The following VMP1 variants were observed in gnomAD, a reference collection of about 807,000 sequenced individuals.
The protein encoded by VMP1 is ectopic P-granules autophagy protein 3 homolog.
In VMP1, 11 loss-of-function variants were observed where a neutral mutation model predicts 56.0. That is an observed-to-expected ratio of 0.20 (90% CI 0.12 to 0.32). The LOEUF is 0.32. Among genes scored for constraint, VMP1 ranks in the 10% least tolerant of loss-of-function variants. VMP1 has a pLI of 1.00. For synonymous variants in VMP1, 149 were observed against 165.0 expected, an observed-to-expected ratio of 0.90 and a Z score of 0.74; for missense variants, 296 against 490.3, an observed-to-expected ratio of 0.60 and a Z score of 3.74.
At chr17:59,811,154 A>G (rs552707719) in intron 8 of VMP1, among the ~76,000 whole-genome samples, 2 of 152,348 alleles carry the variant, frequency 1.3e-5, no homozygotes, top group South Asian at 4.1e-4. Context: ...CCACCCATAA[A>G]TGTATTTGAG....
At chr17:59,756,120 G>C (rs929054920) in intron 5 of VMP1, among the ~76,000 whole-genome samples, 1 of 152,266 alleles carries the variant, frequency 6.6e-6, no homozygotes, top group East Asian at 1.9e-4. Flanking sequence ...ACTTGTCAGT[G>C]CCCATTGGGA....
chr17:59,838,612 TAGAGC>T (rs2039060199), intron 11 of VMP1: 1 of 545,844 alleles, frequency 1.8e-6, no homozygotes, highest in African/African-American at 1.9e-5. Context: ...AAAACAAGGG[TAGAGC>T]CAATGGAAAG....
At chr17:59,783,993 G>T (rs2036916414) in intron 7 of VMP1, among the ~76,000 whole-genome samples, 1 of 151,908 alleles carries the variant, frequency 6.6e-6, no homozygotes, top group South Asian at 2.1e-4. Context: ...TCATTACTTG[G>T]CCCCAACCTA....
intron 7 of VMP1, chr17:59,784,706 TCA>T (rs2036947755): frequency 6.6e-6 from 1 of 152,174 alleles, no homozygotes; most frequent in Admixed American, 6.5e-5. Flanking sequence ...CCATTAATAT[TCA>T]GTCTTATTTT....
intron 5 of VMP1, among the ~76,000 whole-genome samples, chr17:59,755,020 T>C (rs1165437536): frequency 7.8e-6 from 1 of 128,848 alleles, no homozygotes; most frequent in Non-Finnish European, 1.6e-5. Flanking sequence ...AATATGTAGT[T>C]CATTTCTCTT....
chr17:59,710,657 T>G (rs954401440), intron 1 of VMP1, among the ~76,000 whole-genome samples: 1 of 152,236 alleles, frequency 6.6e-6, no homozygotes, highest in Non-Finnish European at 1.5e-5. Context: ...GTTATATTCT[T>G]CAGAATAGTT....
At chr17:59,718,443 G>A (rs1027900820) in intron 1 of VMP1, among the ~76,000 whole-genome samples, 2 of 151,590 alleles carry the variant, frequency 1.3e-5, no homozygotes, top group African/African-American at 4.9e-5. Flanking sequence ...TGATCTGCCC[G>A]CCTCGGCCTC....
intron 7 of VMP1, among the ~76,000 whole-genome samples, chr17:59,802,993 G>A (rs1383633907): frequency 2.6e-5 from 4 of 152,136 alleles, no homozygotes; most frequent in East Asian, 3.8e-4. Context: ...TGATCCACCC[G>A]CCTTGGCCTC....
intron 9 of VMP1, among the ~76,000 whole-genome samples, chr17:59,817,156 C>T (rs1274800624): frequency 6.7e-6 from 1 of 148,874 alleles, no homozygotes; most frequent in East Asian, 2.0e-4. Flanking sequence ...CCCTGTAATC[C>T]CAGGTACTTT....
intron 7 of VMP1, among the ~76,000 whole-genome samples, chr17:59,789,241 A>G (rs1208336846): frequency 2.7e-5 from 4 of 148,828 alleles, no homozygotes; most frequent in African/African-American, 7.4e-5. Flanking sequence ...AGTGAGAGAA[A>G]AAAAAAAAAG....
intron 5 of VMP1, among the ~76,000 whole-genome samples, chr17:59,757,859 C>CTTT (rs66605258): frequency 0.041 from 3,778 of 91,194 alleles, 361 homozygotes; most frequent in African/African-American, 0.12. Flanking sequence ...TTATTTGCCA[C>CTTT]TTTTTTTTTT....
chr17:59,750,474 G>A lies in VMP1; in HGVS notation c.414+11527G>A, dbSNP rs569604042. ...CCACCACCACACCCGGCTAATTTTT[G>A]TATTTTTAGTAGAAATGGGGTTTCA... is the stretch of plus-strand genomic sequence containing the variant. On this transcript the variant is annotated intron_variant, in intron 5 of 11. Coordinates refer to ENST00000262291, the MANE Select transcript of VMP1 (RefSeq NM_030938.5). Among the ~76,000 whole-genome samples, 8 of 151,960 alleles carry A rather than the reference G, an allele frequency of 5.3e-5. No homozygotes were observed. The South Asian group carries it at 1.7e-3, about 32-fold the overall frequency.
chr17:59,765,214 A>C, intron 6 of VMP1, 76 bp downstream of exon 6: 1 of 1,452,300 alleles, frequency 6.9e-7, no homozygotes, highest in Non-Finnish European at 9.3e-7. Flanking sequence ...TTGAAATGGA[A>C]TCTAAACATA....
intron 5 of VMP1, among the ~76,000 whole-genome samples, chr17:59,747,084 G>C (rs2035449458): frequency 6.6e-6 from 1 of 152,154 alleles, no homozygotes; most frequent in Non-Finnish European, 1.5e-5. Context: ...TTCTAGTCTG[G>C]ATAAATATAT....
At chr17:59,739,775 A>G (rs1208907534) in intron 5 of VMP1, among the ~76,000 whole-genome samples, 1 of 141,530 alleles carries the variant, frequency 7.1e-6, no homozygotes, top group Non-Finnish European at 1.5e-5. Context: ...TTCTTTTACT[A>G]GTGGAAATAA....
intron 10 of VMP1, among the ~76,000 whole-genome samples, chr17:59,834,761 A>G (rs1176144797): frequency 6.6e-6 from 1 of 151,842 alleles, no homozygotes; most frequent in Non-Finnish European, 1.5e-5. Flanking sequence ...AGTAGCTGGG[A>G]TTGCAGGCAC....
chr17:59,765,956 A>G (rs1361016777), intron 6 of VMP1, among the ~76,000 whole-genome samples: 1 of 151,870 alleles, frequency 6.6e-6, no homozygotes, highest in Admixed American at 6.6e-5. Flanking sequence ...ATATATAGTT[A>G]TATATAAATA....
intron 10 of VMP1, among the ~76,000 whole-genome samples, chr17:59,832,976 T>C (rs2038867170): frequency 6.6e-6 from 1 of 152,026 alleles, no homozygotes; most frequent in Admixed American, 6.6e-5. Flanking sequence ...CCAACTTAAC[T>C]ATGGGATGAG....
intron 7 of VMP1, among the ~76,000 whole-genome samples, chr17:59,774,579 T>A (rs2036551293): frequency 6.6e-6 from 1 of 152,242 alleles, no homozygotes; most frequent in Non-Finnish European, 1.5e-5. Context: ...TCTTAAGTAG[T>A]TACTAAAACT....
Sources: allele counts gnomAD v4.1 joint callset (sites outside exome capture counted in the v4.1 genomes callset), GRCh38; gene constraint gnomAD v4.1.1; transcripts MANE v1.5; gene names NCBI Gene and HGNC (gene_info 2026-07-23, HGNC 2026-07-21).